The following GALNT10 variants were observed in gnomAD, a reference collection of about 807,000 sequenced individuals.
GALNT10 encodes GalNAc transferase 10.
GALNT10 carries 41 observed loss-of-function variants against 75.0 expected under a neutral mutation model. That is an observed-to-expected ratio of 0.55 (90% confidence interval 0.43 to 0.71). GALNT10 has a LOEUF of 0.71. GALNT10 is among the 30% of genes least tolerant of loss of function. GALNT10 has a pLI of 0.00. For synonymous variants in GALNT10, 302 were observed against 313.0 expected, an observed-to-expected ratio of 0.96 and a Z score of 0.37; for missense variants, 727 against 818.5, an observed-to-expected ratio of 0.89 and a Z score of 1.36.
In GALNT10 at chr5:154,402,533, C is replaced by A. The variant is rs538817878; in HGVS notation, c.1057-1571C>A. ...GTTACCTATGCCAGGAAAAATTACC[C>A]CCAGAATCCATCTTAACACAATACA... On this transcript the variant is annotated intron_variant, in intron 7 of 11. Coordinates refer to ENST00000297107, the MANE Select transcript of GALNT10 (RefSeq NM_198321.4). The surrounding 1 kb of genome is among the most constrained non-coding windows in gnomAD (Gnocchi z 4.2). 4.6e-5 allele frequency among the ~76,000 whole-genome samples: 7 copies of A among 152,346 alleles called. No individual in the cohort carries two copies. The highest frequency in any genetic ancestry group is 1.0e-4 in the Non-Finnish European group (7 of 68,036).
At chr5:154,404,283 G>A in intron 8 of GALNT10, 72 bp downstream of exon 8, 1 of 786,462 alleles carries the variant, frequency 1.3e-6, no homozygotes, top group Non-Finnish European at 2.1e-6. Context: ...AGGCACCCTG[G>A]GGCCCTAGAC....
At chr5:154,247,024 A>G (rs533144405) in intron 1 of GALNT10, among the ~76,000 whole-genome samples, 15 of 152,316 alleles carry the variant, frequency 9.8e-5, no homozygotes, top group African/African-American at 3.4e-4. Flanking sequence ...AGCTTTCTCC[A>G]TATGGCTAGC....
intron 1 of GALNT10, among the ~76,000 whole-genome samples, chr5:154,242,819 T>C (rs1469285245): frequency 1.3e-5 from 2 of 152,214 alleles, no homozygotes; most frequent in African/African-American, 4.8e-5. Context: ...TCCTTTTCAT[T>C]GGTCTCCTTG....
Position 154,257,401 on chromosome 5 carries a change from A to G in GALNT10, c.160-37415A>G, listed in dbSNP as rs1474297209. Among the ~76,000 whole-genome samples the G allele has an allele frequency of 2.6e-5, 4 of 152,216 alleles. No homozygotes were observed. In the East Asian group the frequency reaches 5.8e-4, roughly 22 times the overall value. On this transcript the variant is annotated intron_variant, in intron 1 of 11. Transcript: ENST00000297107. ...TTTAGAGATTAGAAAAACCCACTTC[A>G]TCTCTGCCTTCCTGTGTTTTCCATT... is the stretch of plus-strand genomic sequence containing the variant.
At chr5:154,256,992 C>CA (rs1753624619) in intron 1 of GALNT10, among the ~76,000 whole-genome samples, 1 of 152,014 alleles carries the variant, frequency 6.6e-6, no homozygotes, top group African/African-American at 2.4e-5. Flanking sequence ...CAGGCTCGGC[C>CA]AGGCATTACA....
chr5:154,264,169 C>T (rs637505), intron 1 of GALNT10, among the ~76,000 whole-genome samples: 37,090 of 151,714 alleles, frequency 0.24, 5,512 homozygotes, highest in African/African-American at 0.42. Flanking sequence ...AAAAATTAGC[C>T]AGACGCAGTG....
At position 154,417,006 on chromosome 5, in the gene GALNT10, C is replaced by A. The variant is rs1561689273; in HGVS notation, c.*34C>A. 1 of 1,598,244 alleles carries A rather than the reference C, an allele frequency of 6.3e-7. No homozygotes were observed. Among genetic ancestry groups the A allele is most frequent in the Admixed American group, 1.7e-5 (1 of 59,872 alleles). ...GTCCCCTTGGCAGGCCCCCCAGGGTCTGGCACTCACTGCAGACTTCCTCTT... is the reference window on the plus strand; with the variant it reads ...GTCCCCTTGGCAGGCCCCCCAGGGTATGGCACTCACTGCAGACTTCCTCTT... On this transcript the variant is annotated 3_prime_UTR_variant, in exon 12 of 12. Transcript: ENST00000297107.
intron 4 of GALNT10, among the ~76,000 whole-genome samples, chr5:154,369,397 CAAAA>C (rs200232429): frequency 6.6e-6 from 1 of 151,390 alleles, no homozygotes; most frequent in African/African-American, 2.4e-5. Flanking sequence ...CAAAAACAAA[CAAAA>C]AAAACCCCAA....
intron 4 of GALNT10, among the ~76,000 whole-genome samples, chr5:154,344,079 A>AG (rs1755079412): frequency 6.6e-6 from 1 of 152,118 alleles, no homozygotes; most frequent in African/African-American, 2.4e-5. Context: ...CGCTCCTTGA[A>AG]GGGTTCATCA....
intron 4 of GALNT10, among the ~76,000 whole-genome samples, chr5:154,336,622 A>G (rs1466302664): frequency 6.6e-6 from 1 of 151,622 alleles, no homozygotes; most frequent in Non-Finnish European, 1.5e-5. Context: ...CCATTTGTAA[A>G]TTTTCTTTTT....
chr5:154,347,243 G>A (rs568231632), intron 4 of GALNT10: 1 of 472,960 alleles, frequency 2.1e-6, no homozygotes, highest in Admixed American at 2.8e-5. Context: ...GATTAGGAAG[G>A]TGTAAACTGG....
chr5:154,251,226 A>G (rs544178050), intron 1 of GALNT10, among the ~76,000 whole-genome samples: 7 of 152,226 alleles, frequency 4.6e-5, no homozygotes, highest in African/African-American at 1.7e-4. Context: ...CCTTAATAGT[A>G]ACGTTACTTT....
intron 4 of GALNT10, among the ~76,000 whole-genome samples, chr5:154,371,357 G>A (rs10042650): frequency 2.0e-5 from 3 of 151,996 alleles, no homozygotes; most frequent in Admixed American, 6.6e-5. Flanking sequence ...ACAACCAGGG[G>A]TTAGGACTTC....
At chr5:154,253,002 G>GTTTTTTTTTTTTTTTTTTTTGTT (rs373849888) in intron 1 of GALNT10, among the ~76,000 whole-genome samples, 1 of 89,862 alleles carries the variant, frequency 1.1e-5, no homozygotes, top group Non-Finnish European at 2.2e-5. Context: ...TTTTTTAGTG[G>GTTTTTTTTTTTTTTTTTTTTGTT]TTTTTTTTTT....
At chr5:154,400,240 C>T (rs149208764) in intron 7 of GALNT10, among the ~76,000 whole-genome samples, 156 of 152,326 alleles carry the variant, frequency 1.0e-3, no homozygotes, top group African/African-American at 3.7e-3. Context: ...AACAGGCCTG[C>T]TTCCAGGTGC....
At chr5:154,258,966 A>C (rs1753657587) in intron 1 of GALNT10, among the ~76,000 whole-genome samples, 1 of 152,218 alleles carries the variant, frequency 6.6e-6, no homozygotes, top group Non-Finnish European at 1.5e-5. Context: ...TGCAAAAATA[A>C]TTCTTTGTAC....
chr5:154,212,671 A>G (rs747535106), intron 1 of GALNT10, among the ~76,000 whole-genome samples: 1 of 152,220 alleles, frequency 6.6e-6, no homozygotes, highest in Non-Finnish European at 1.5e-5. Flanking sequence ...GTGAGTGGTT[A>G]AGATCACAGG....
At chr5:154,330,577 T>A (rs1007415373) in intron 4 of GALNT10, among the ~76,000 whole-genome samples, 1 of 152,160 alleles carries the variant, frequency 6.6e-6, no homozygotes, top group Admixed American at 6.5e-5. Context: ...GCTGTGAGTC[T>A]TACCCTGTGG....
intron 4 of GALNT10, among the ~76,000 whole-genome samples, chr5:154,368,258 C>T (rs1432078520): frequency 6.6e-6 from 1 of 152,230 alleles, no homozygotes; most frequent in Non-Finnish European, 1.5e-5. Flanking sequence ...AGCATAGATC[C>T]TGGCACAGCA....
Sources: gnomAD v4.1 joint callset for allele counts (sites outside exome capture counted in the v4.1 genomes callset) on GRCh38, gnomAD v4.1.1 for gene constraint, Gnocchi (gnomAD v3.1) non-coding constraint, MANE v1.5 for transcripts, NCBI Gene and HGNC (gene_info 2026-07-23, HGNC 2026-07-21) for gene names.